CACNA2D3: variants seen among roughly 807,000 people sequenced by gnomAD.
CACNA2D3 encodes the protein calcium voltage-gated channel auxiliary subunit alpha2delta 3.
CACNA2D3 carries 60 observed loss-of-function variants against 160.6 expected under a neutral mutation model. The ratio of observed to expected loss-of-function variants is 0.37; its 90% CI spans 0.30 to 0.46. CACNA2D3 has a LOEUF of 0.46. CACNA2D3 is among the 20% of genes least tolerant of loss of function. The pLI is 1.00. For synonymous variants in CACNA2D3, 558 were observed against 492.9 expected, an observed-to-expected ratio of 1.13 and a Z score of -1.75; for missense variants, 1,205 against 1,365.0, an observed-to-expected ratio of 0.88 and a Z score of 1.85.
chr3:54,918,215 T>C (rs1424187812), intron 27 of CACNA2D3: 1 of 448,956 alleles, frequency 2.2e-6, no homozygotes, highest in African/African-American at 2.0e-5. Context: ...AGAATCGTCG[T>C]AATAACTTCC....
intron 2 of CACNA2D3, among the ~76,000 whole-genome samples, chr3:54,204,101 C>G (rs1701225669): frequency 6.6e-6 from 1 of 151,930 alleles, no homozygotes; most frequent in Non-Finnish European, 1.5e-5. Context: ...ATACCATTTT[C>G]TTTGGCCCTT....
intron 3 of CACNA2D3, among the ~76,000 whole-genome samples, chr3:54,344,190 CCT>C (rs1389618408): frequency 6.6e-6 from 1 of 152,150 alleles, no homozygotes; most frequent in African/African-American, 2.4e-5. Context: ...GTTCCCGCAG[CCT>C]CTCTCTCACC....
At chr3:54,136,481 ACTT>A (rs1699817936) in intron 2 of CACNA2D3, among the ~76,000 whole-genome samples, 1 of 152,104 alleles carries the variant, frequency 6.6e-6, no homozygotes. Context: ...TCCTTCTCTC[ACTT>A]CTTCCTGCTT....
chr3:54,533,355 A>G (rs1245329044), intron 5 of CACNA2D3, among the ~76,000 whole-genome samples: 1 of 37,018 alleles, frequency 2.7e-5, no homozygotes. Context: ...TTTTTTTTTG[A>G]GACAGAGTCT....
rs758458509 is a variant in CACNA2D3 at position 54,391,516 on chromosome 3, C to CTTTT, written c.381+4751_381+4754dup. ...GCTTTCTTTCTTTCTTTCTTTCTTT[C>CTTTT]TTTTTTTTTTTTGAGACAGAGTCTT... On this transcript the variant is annotated intron_variant, in intron 4 of 37. Transcript: ENST00000474759. Among the ~76,000 whole-genome samples the CTTTT allele has an allele frequency of 2.5e-3, 362 of 142,034 alleles. 2 individuals carry two copies. The highest frequency in any genetic ancestry group is 7.5e-3 in the African/African-American group (288 of 38,294). 93.2% of individuals were successfully genotyped at this position (142,034 alleles called of 152,430 possible).
intron 9 of CACNA2D3, chr3:54,626,682 GTCAAAA>G: frequency 6.4e-6 from 2 of 312,092 alleles, no homozygotes; most frequent in Non-Finnish European, 1.0e-5. Context: ...CATGGTTCCA[GTCAAAA>G]AAAAAAAAAA....
chr3:54,912,331 A>C (rs1700575345), intron 27 of CACNA2D3, among the ~76,000 whole-genome samples: 1 of 152,162 alleles, frequency 6.6e-6, no homozygotes, highest in South Asian at 2.1e-4. Context: ...AGGAGAGAGC[A>C]TGAGTTCCAG....
At chr3:54,462,645 C>G (rs540753168) in intron 4 of CACNA2D3, among the ~76,000 whole-genome samples, 1 of 152,216 alleles carries the variant, frequency 6.6e-6, no homozygotes, top group South Asian at 2.1e-4. Flanking sequence ...TTCCTCCATC[C>G]TTTTATTTTG....
At chr3:55,024,308 T>C (rs1703519022) in intron 35 of CACNA2D3, among the ~76,000 whole-genome samples, 1 of 151,684 alleles carries the variant, frequency 6.6e-6, no homozygotes, top group South Asian at 2.1e-4. Flanking sequence ...GTGTTGTGAA[T>C]TTAGCGTAAT....
At chr3:54,813,056 G>A (rs757562121) in intron 13 of CACNA2D3, among the ~76,000 whole-genome samples, 3 of 152,180 alleles carry the variant, frequency 2.0e-5, no homozygotes, top group Non-Finnish European at 4.4e-5. Context: ...ATGTTTGAAT[G>A]TGAAGTGTCA....
intron 2 of CACNA2D3, among the ~76,000 whole-genome samples, chr3:54,306,158 T>C (rs1009744623): frequency 1.3e-5 from 2 of 152,198 alleles, no homozygotes; most frequent in Non-Finnish European, 2.9e-5. Context: ...CCAGAGTACC[T>C]GTGGTCTGCT....
rs571839880 is a variant in CACNA2D3, at chr3:54,194,133, T to G, written c.204+70539T>G. ...TGGTTAATGGGTACAAACATACAAT[T>G]AAAAGGAATATGTTCTAATGTTAGG... On this transcript the variant is annotated intron_variant, in intron 2 of 37. Coordinates refer to ENST00000474759, the MANE Select transcript of CACNA2D3 (RefSeq NM_018398.3). Among the ~76,000 whole-genome samples, 33 of 152,098 alleles carry G rather than the reference T, an allele frequency of 2.2e-4. No homozygotes were observed. The East Asian group carries it at 6.4e-3, about 29-fold the overall frequency.
chr3:54,506,544 G>C (rs534290454), intron 5 of CACNA2D3, among the ~76,000 whole-genome samples: 1 of 152,194 alleles, frequency 6.6e-6, no homozygotes, highest in South Asian at 2.1e-4. Flanking sequence ...AGCCGGGTTT[G>C]TGCTTTCCTC....
chr3:54,192,067 C>T (rs1311754168), intron 2 of CACNA2D3, among the ~76,000 whole-genome samples: 1 of 150,770 alleles, frequency 6.6e-6, no homozygotes, highest in Non-Finnish European at 1.5e-5. Flanking sequence ...TTTAGAATGT[C>T]TTGTGCCATC....
chr3:54,815,486 G>A (rs144788770), intron 13 of CACNA2D3, among the ~76,000 whole-genome samples: 92 of 152,318 alleles, frequency 6.0e-4, no homozygotes, highest in Admixed American at 2.0e-3. Flanking sequence ...GAATGGGAAA[G>A]TCTGATGATT....
At chr3:54,736,778 G>C (rs557948214) in intron 11 of CACNA2D3, among the ~76,000 whole-genome samples, 31 of 152,264 alleles carry the variant, frequency 2.0e-4, no homozygotes, top group African/African-American at 7.5e-4. Flanking sequence ...TAGCAATTAA[G>C]AAAATGAGCT....
chr3:54,948,344 CT>C, intron 27 of CACNA2D3, among the ~76,000 whole-genome samples: 1 of 152,280 alleles, frequency 6.6e-6, no homozygotes, highest in East Asian at 1.9e-4. Context: ...CTGGAAGATT[CT>C]TGATAATTGT....
At chr3:55,017,446 T>A (rs774759886) in intron 34 of CACNA2D3, among the ~76,000 whole-genome samples, 4 of 152,146 alleles carry the variant, frequency 2.6e-5, no homozygotes, top group Admixed American at 6.5e-5. Flanking sequence ...ATTATTATTA[T>A]CATTATTTGA....
At chr3:54,773,148 C>T (rs1408333729) in intron 13 of CACNA2D3, among the ~76,000 whole-genome samples, 2 of 152,204 alleles carry the variant, frequency 1.3e-5, no homozygotes, top group African/African-American at 2.4e-5. Flanking sequence ...TTCTCAGCCC[C>T]CACTAAGTCC....
Sources: allele counts gnomAD v4.1 joint callset (sites outside exome capture counted in the v4.1 genomes callset), GRCh38; gene constraint gnomAD v4.1.1; transcripts MANE v1.5; gene names NCBI Gene and HGNC (gene_info 2026-07-23, HGNC 2026-07-21).